Variants in STAU2 observed in about 807,000 individuals in gnomAD.
STAU2 encodes double-stranded RNA-binding protein Staufen homolog 2.
Under a neutral mutation model 65.9 loss-of-function variants are expected in STAU2, and 20 were observed. The observed-to-expected ratio is 0.30, with a 90% CI of 0.21 to 0.44. The LOEUF (loss-of-function observed/expected upper bound fraction) is 0.44. Ranked by LOEUF, STAU2 falls within the 20% of genes least tolerant of loss-of-function variation. STAU2 has a pLI of 1.00. For missense variants in STAU2, 558 were observed against 683.9 expected, an observed-to-expected ratio of 0.82 and a Z score of 2.05; for synonymous variants, 232 against 233.9, an observed-to-expected ratio of 0.99 and a Z score of 0.07.
rs549882929 is a variant in STAU2, at chr8:73,547,349, T to C, written c.1530+4663A>G. The stretch of plus-strand genomic sequence containing the variant: ...AGGATTTCTTTCTTCAAACATAGTA[T>C]TTTTTTTTTACAGGGTTTAAAATTT... On this transcript the variant is annotated intron_variant, in intron 13 of 14. Coordinates refer to ENST00000524300, the MANE Select transcript of STAU2 (RefSeq NM_001164380.2). Among the ~76,000 whole-genome samples the C allele has an allele frequency of 1.0e-3, 17 of 16,748 alleles. No individual in the cohort carries two copies. The South Asian group carries it at 0.019, about 19-fold the overall frequency. 11.0% of individuals were successfully genotyped at this position (16,748 alleles called of 152,430 possible). A position where few individuals can be genotyped will look rare whatever the true frequency, so the allele number is the denominator to read the frequency against.
intron 13 of STAU2, among the ~76,000 whole-genome samples, chr8:73,435,000 G>A (rs920121164): frequency 1.3e-5 from 2 of 151,758 alleles, no homozygotes; most frequent in African/African-American, 2.4e-5. Flanking sequence ...TTCCCAGAGT[G>A]TGAACCCCAA....
At chr8:73,444,046 C>T (rs190010614) in intron 13 of STAU2, among the ~76,000 whole-genome samples, 222 of 152,192 alleles carry the variant, frequency 1.5e-3, no homozygotes, top group Non-Finnish European at 2.2e-3. Context: ...CTAGCATTAT[C>T]GTCCTCTCCT....
At chr8:73,557,168 C>T (rs1807851026) in intron 12 of STAU2, among the ~76,000 whole-genome samples, 1 of 152,136 alleles carries the variant, frequency 6.6e-6, no homozygotes, top group South Asian at 2.1e-4. Context: ...AACAAAAATG[C>T]TCTCCACACT....
intron 6 of STAU2, among the ~76,000 whole-genome samples, chr8:73,642,460 T>A (rs1343000540): frequency 2.0e-5 from 3 of 151,598 alleles, no homozygotes; most frequent in African/African-American, 7.3e-5. Context: ...GAGGCGGAGG[T>A]CACAGTGAGC....
chr8:73,694,532 G>A (rs1819571150), intron 4 of STAU2, among the ~76,000 whole-genome samples: 3 of 152,190 alleles, frequency 2.0e-5, no homozygotes, highest in Admixed American at 2.0e-4. Flanking sequence ...AATTACAGAG[G>A]AGGGTAGAGC....
chr8:73,567,046 C>T (rs1191784343), intron 12 of STAU2, among the ~76,000 whole-genome samples: 1 of 152,136 alleles, frequency 6.6e-6, no homozygotes, highest in South Asian at 2.1e-4. Context: ...CTGAGAATCT[C>T]AGGTCTGGAT....
At chr8:73,583,885 C>T (rs2128963241) in intron 11 of STAU2, among the ~76,000 whole-genome samples, 1 of 152,178 alleles carries the variant, frequency 6.6e-6, no homozygotes, top group South Asian at 2.1e-4. Context: ...GTTATATTAT[C>T]TTTCTGTACA....
chr8:73,523,041 C>A (rs965758355), intron 13 of STAU2, among the ~76,000 whole-genome samples: 8 of 151,614 alleles, frequency 5.3e-5, no homozygotes, highest in African/African-American at 1.7e-4. Flanking sequence ...ACTAAAAATA[C>A]AAAAATTAGT....
At chr8:73,527,761 C>A in intron 13 of STAU2, 1 of 1,536,700 alleles carries the variant, frequency 6.5e-7, no homozygotes, top group Non-Finnish European at 8.7e-7. Flanking sequence ...TAATGTCAGA[C>A]AGGTCACACA....
At chr8:73,595,104 AATTT>A (rs1411058884) in intron 11 of STAU2, 58 bp downstream of exon 11, 2 of 1,380,212 alleles carry the variant, frequency 1.4e-6, no homozygotes, top group African/African-American at 1.5e-5. Flanking sequence ...TTAAGATCAA[AATTT>A]ATTAATCACT....
chr8:73,738,409 T>C (rs996421299), intron 2 of STAU2, 60 bp from the exon 3 acceptor site: 2 of 1,164,980 alleles, frequency 1.7e-6, no homozygotes, highest in Admixed American at 4.6e-5. Context: ...ATGACTGGTA[T>C]TTTAAACACA....
chr8:73,588,105 A>T (rs1810505239), intron 11 of STAU2, among the ~76,000 whole-genome samples: 1 of 152,220 alleles, frequency 6.6e-6, no homozygotes, highest in Admixed American at 6.5e-5. Flanking sequence ...ACTTTTCCTT[A>T]GAATCTGGAA....
chr8:73,740,006 C>A, intron 1 of STAU2, 138 bp from the exon 2 acceptor site: 1 of 556,196 alleles, frequency 1.8e-6, no homozygotes, highest in Non-Finnish European at 3.2e-6. Context: ...TGGAGAGGCC[C>A]ATATGGCAAA....
At chr8:73,656,532 G>A (rs2130283246) in intron 6 of STAU2, among the ~76,000 whole-genome samples, 1 of 152,326 alleles carries the variant, frequency 6.6e-6, no homozygotes, top group East Asian at 1.9e-4. Context: ...AAATGATTAT[G>A]AATTATACCT....
chr8:73,489,230 C>T (rs1821054808), intron 13 of STAU2, among the ~76,000 whole-genome samples: 1 of 151,788 alleles, frequency 6.6e-6, no homozygotes, highest in South Asian at 2.1e-4. Context: ...ATATTAGTTA[C>T]TGAGAGAGCA....
At chr8:73,590,197 A>AAAGGTGGAG in intron 11 of STAU2, among the ~76,000 whole-genome samples, 1 of 127,064 alleles carries the variant, frequency 7.9e-6, no homozygotes, top group African/African-American at 3.4e-5. Context: ...AGGAGAAGGA[A>AAAGGTGGAG]GAAAAATAGA....
rs182142762 is a variant in STAU2, at chr8:73,566,622, G to C, written c.1223-14303C>G. ...CTAGAAATAAAGGTGCTGTCTAGTGGCAACTGCAGAGACCCTGGAGTCAGA... is the reference window on the plus strand; with the variant it reads ...CTAGAAATAAAGGTGCTGTCTAGTGCCAACTGCAGAGACCCTGGAGTCAGA... On this transcript the variant is annotated intron_variant, in intron 12 of 14. Transcript: ENST00000524300. Among the ~76,000 whole-genome samples the C allele has an allele frequency of 8.9e-3, 1,355 of 152,186 alleles. 20 individuals are homozygous for C. Among genetic ancestry groups the C allele is most frequent in the African/African-American group, 0.03 (1,265 of 41,504 alleles).
Position 73,590,058 on chromosome 8 carries a change from AGAG to A in STAU2, c.1161+5105_1161+5107del, listed in dbSNP as rs571215533. Among the ~76,000 whole-genome samples the A allele has an allele frequency of 2.7e-4, 40 of 150,484 alleles. No individual in the cohort carries two copies. The South Asian group carries it at 6.2e-3, about 23-fold the overall frequency. On this transcript the variant is annotated intron_variant, in intron 11 of 14. Coordinates refer to ENST00000524300, the MANE Select transcript of STAU2 (RefSeq NM_001164380.2). ...GAAGGAGGAAGAGAAGAAAGAATAA[AGAG>A]GAGATAGAAGAAAGAGGAGAAGGAA...
chr8:73,451,631 G>A lies in STAU2; in HGVS notation c.1531-28929C>T, dbSNP rs572337212. ...TTTGGAGAGAGCAGACCAACTCAGC[G>A]ATGCTTCCTGGTCTCCTTAATTGCT... On this transcript the variant is annotated intron_variant, in intron 13 of 14. Coordinates refer to ENST00000524300, the MANE Select transcript of STAU2 (RefSeq NM_001164380.2). 7.9e-4 allele frequency among the ~76,000 whole-genome samples: 120 copies of A among 151,708 alleles called. 1 individual carries two copies. Among genetic ancestry groups the A allele is most frequent in the Non-Finnish European group, 1.1e-3 (76 of 67,968 alleles).
Sources: gnomAD v4.1 joint callset for allele counts (sites outside exome capture counted in the v4.1 genomes callset) on GRCh38, gnomAD v4.1.1 for gene constraint, MANE v1.5 for transcripts, NCBI Gene and HGNC (gene_info 2026-07-23, HGNC 2026-07-21) for gene names.